NCOA1: variants seen among roughly 807,000 people sequenced by gnomAD.
The protein encoded by NCOA1 is Hin-2 protein.
A neutral mutation model predicts 150.9 loss-of-function variants in NCOA1; 35 were observed. The observed-to-expected ratio is 0.23, with a 90% CI of 0.18 to 0.31. The LOEUF is 0.31. Among genes scored for constraint, NCOA1 ranks in the 10% least tolerant of loss-of-function variants. NCOA1 has a pLI of 1.00. For missense variants in NCOA1, 1,491 were observed against 1,749.3 expected, an observed-to-expected ratio of 0.85 and a Z score of 2.63; for synonymous variants, 590 against 630.0, an observed-to-expected ratio of 0.94 and a Z score of 0.95.
rs1354079488 is a variant in NCOA1, at chr2:24,658,740, A to T, written c.63A>T (p.Gly21=). The T allele has an allele frequency of 1.2e-6, 2 of 1,614,106 alleles. No homozygotes were observed. Among genetic ancestry groups the T allele is most frequent in the Non-Finnish European group, 1.7e-6 (2 of 1,179,958 alleles). The part of the protein sequence containing the change: ...PANPDSHKRK[G]SPCDTLASST... Reference sequence around the variant, plus strand: ...ACCCAGACTCACATAAGAGGAAAGGATCGCCATGTGACACACTGGCATCAA... The same window carrying T: ...ACCCAGACTCACATAAGAGGAAAGGTTCGCCATGTGACACACTGGCATCAA... The change falls in exon 5 of 23, where the codon GGA becomes GGT. Residue 21 remains glycine (G), a synonymous_variant. Transcript: ENST00000348332.
chr2:24,635,837 GTTTC>G (rs1288677750), intron 3 of NCOA1, among the ~76,000 whole-genome samples: 1 of 152,030 alleles, frequency 6.6e-6, no homozygotes, highest in Non-Finnish European at 1.5e-5. Context: ...GGAAGTTTAA[GTTTC>G]TTTGAGTTTT....
chr2:24,514,870 G>A (rs1176861086), intron 1 of NCOA1, among the ~76,000 whole-genome samples: 3 of 152,300 alleles, frequency 2.0e-5, no homozygotes. Flanking sequence ...TTAATGCAAA[G>A]TAAATATTAA....
At chr2:24,582,517 A>ATT (rs1667235644) in intron 2 of NCOA1, among the ~76,000 whole-genome samples, 1 of 152,200 alleles carries the variant, frequency 6.6e-6, no homozygotes, top group South Asian at 2.1e-4. Flanking sequence ...TATTGTCAAA[A>ATT]TGACCATACT....
intron 1 of NCOA1, among the ~76,000 whole-genome samples, chr2:24,507,081 G>A (rs1663727940): frequency 6.6e-6 from 1 of 152,076 alleles, no homozygotes; most frequent in African/African-American, 2.4e-5. Flanking sequence ...TACTATTAGC[G>A]GCTCATCTGG....
In NCOA1 at chr2:24,729,632, C is replaced by G. The variant is rs1662886989; in HGVS notation, c.3018C>G (p.Ser1006Arg). ...CTTCTCCTACTGCCAATCTCCCTAG[C>G]CCTTTCCAAGGCATGGTCAGGCAAA... Reference protein sequence around the residue: ...SSPSPTANLPSPFQGMVRQKP... With the variant: ...SSPSPTANLPRPFQGMVRQKP... Residue 1006 changes from serine (S) to arginine (R), a missense_variant, in exon 17 of 23, where the codon AGC becomes AGG. Ser to Arg is a moderately radical substitution (Grantham distance 110). Coordinates refer to ENST00000348332, the MANE Select transcript of NCOA1 (RefSeq NM_003743.5). The G allele has an allele frequency of 6.2e-7, 1 of 1,614,062 alleles. No homozygotes were observed. The highest frequency in any genetic ancestry group is 1.3e-5 in the African/African-American group (1 of 74,922).
chr2:24,601,376 C>G (rs1031341289), intron 3 of NCOA1, among the ~76,000 whole-genome samples: 2 of 152,004 alleles, frequency 1.3e-5, no homozygotes, highest in Admixed American at 6.6e-5. Context: ...CCATTCCCAG[C>G]TAAGTTTTTA....
intron 2 of NCOA1, among the ~76,000 whole-genome samples, chr2:24,565,619 C>T (rs965834330): frequency 6.6e-6 from 1 of 152,202 alleles, no homozygotes; most frequent in Admixed American, 6.5e-5. Context: ...CTGGTGGCGC[C>T]TTTGCCTGAG....
chr2:24,574,626 C>G (rs1236213586), intron 2 of NCOA1, among the ~76,000 whole-genome samples: 26 of 147,886 alleles, frequency 1.8e-4, no homozygotes, highest in Admixed American at 1.5e-3. Context: ...TTGTGTAGAT[C>G]AAAATTTGGA....
intron 8 of NCOA1, among the ~76,000 whole-genome samples, chr2:24,690,651 CAAAAAA>C (rs70947837): frequency 1.7e-3 from 66 of 38,442 alleles, no homozygotes; most frequent in African/African-American, 4.5e-3. Context: ...GATTCCATCT[CAAAAAA>C]AAAAAAAAAA....
At chr2:24,625,914 C>T (rs1228946991) in intron 3 of NCOA1, among the ~76,000 whole-genome samples, 3 of 152,168 alleles carry the variant, frequency 2.0e-5, no homozygotes, top group African/African-American at 7.2e-5. Context: ...TTTATTTCGA[C>T]TTATCAGCAT....
intron 3 of NCOA1, among the ~76,000 whole-genome samples, chr2:24,585,823 A>T (rs1472139594): frequency 6.6e-6 from 1 of 152,170 alleles, no homozygotes; most frequent in African/African-American, 2.4e-5. Context: ...CATAATTATG[A>T]TGTATTTTTA....
chr2:24,541,583 G>C (rs1665397967), intron 1 of NCOA1, among the ~76,000 whole-genome samples: 1 of 152,246 alleles, frequency 6.6e-6, no homozygotes, highest in East Asian at 1.9e-4. Flanking sequence ...GAGGCTAGGA[G>C]AGGTTGTGGC....
intron 3 of NCOA1, among the ~76,000 whole-genome samples, chr2:24,635,459 G>C (rs1236056452): frequency 1.3e-5 from 2 of 151,462 alleles, no homozygotes; most frequent in Non-Finnish European, 2.9e-5. Flanking sequence ...TTTTGAAAAA[G>C]TTCTCACAAA....
intron 1 of NCOA1, among the ~76,000 whole-genome samples, chr2:24,495,046 A>G (rs1051651187): frequency 6.6e-6 from 1 of 150,776 alleles, no homozygotes; most frequent in Non-Finnish European, 1.5e-5. Flanking sequence ...CCTAGTGGCA[A>G]CTAGGTACCA....
intron 17 of NCOA1, among the ~76,000 whole-genome samples, chr2:24,734,715 G>A (rs1215047596): frequency 6.6e-6 from 1 of 152,124 alleles, no homozygotes; most frequent in Non-Finnish European, 1.5e-5. Flanking sequence ...CCTAAGTTGG[G>A]AGGATCTCTT....
At chr2:24,494,573 TTTTTG>T (rs1663119498) in intron 1 of NCOA1, among the ~76,000 whole-genome samples, 1 of 152,184 alleles carries the variant, frequency 6.6e-6, no homozygotes, top group African/African-American at 2.4e-5. Context: ...TTGGCATTGG[TTTTTG>T]CCTTTTAAAT....
At chr2:24,731,576 A>G (rs1279262562) in intron 17 of NCOA1, among the ~76,000 whole-genome samples, 4 of 152,196 alleles carry the variant, frequency 2.6e-5, no homozygotes, top group Non-Finnish European at 4.4e-5. Flanking sequence ...AGAACTAAGA[A>G]AGGGAAATTT....
intron 11 of NCOA1, among the ~76,000 whole-genome samples, chr2:24,700,693 C>T (rs1226250079): frequency 6.6e-6 from 1 of 152,112 alleles, no homozygotes; most frequent in African/African-American, 2.4e-5. Flanking sequence ...AAAAAGTTCC[C>T]AGGTTCTGTT....
chr2:24,678,663 TG>T (rs1389294453), intron 7 of NCOA1, among the ~76,000 whole-genome samples: 1 of 152,238 alleles, frequency 6.6e-6, no homozygotes, highest in Admixed American at 6.5e-5. Context: ...TTGATATGTT[TG>T]TTGGCTGCAT....
Sources: gnomAD v4.1 joint callset for allele counts (sites outside exome capture counted in the v4.1 genomes callset) on GRCh38, gnomAD v4.1.1 for gene constraint, MANE v1.5 for transcripts, NCBI Gene and HGNC (gene_info 2026-07-23, HGNC 2026-07-21) for gene names.